The following GCA variants were observed in gnomAD, a reference collection of about 807,000 sequenced individuals.
The protein encoded by GCA is grancalcin, EF-hand calcium-binding protein.
In GCA, 30 loss-of-function variants were observed where a neutral mutation model predicts 32.6. The observed-to-expected ratio is 0.92, with a 90% confidence interval of 0.69 to 1.25. The LOEUF is 1.25. Ranked by LOEUF, GCA falls within the 50% of genes most tolerant of loss-of-function variation. The pLI is 0.00. For synonymous variants in GCA, 102 were observed against 84.6 expected (o/e 1.21, Z -1.13); for missense variants, 291 against 266.8 (o/e 1.09, Z -0.63).
chr2:162,357,259 CA>C (rs1296506101), intron 5 of GCA, among the ~76,000 whole-genome samples: 1 of 151,742 alleles, frequency 6.6e-6, no homozygotes, highest in African/African-American at 2.4e-5. Context: ...AAAGTCTGTA[CA>C]AAATAGGTTT....
intron 2 of GCA, among the ~76,000 whole-genome samples, chr2:162,351,940 A>G (rs576957862): frequency 1.4e-4 from 21 of 152,282 alleles, no homozygotes; most frequent in African/African-American, 4.8e-4. Flanking sequence ...CTTCCAGTTA[A>G]AGCTTCAGTA....
chr2:162,370,625 T>C (rs907829810), intron 4 of GCA, among the ~76,000 whole-genome samples: 1 of 152,176 alleles, frequency 6.6e-6, no homozygotes. Flanking sequence ...GAAATTTTAC[T>C]GCTGGTATGT....
At chr2:162,358,986 A>G (rs896421320) in intron 5 of GCA, 58 bp from the exon 6 acceptor site, 12 of 777,142 alleles carry the variant, frequency 1.5e-5, no homozygotes, top group Non-Finnish European at 8.6e-6. Context: ...TGAGAAAGCA[A>G]TCTTGCAGTG....
At chr2:162,355,694 A>G (rs1685228990) in intron 3 of GCA, among the ~76,000 whole-genome samples, 1 of 151,856 alleles carries the variant, frequency 6.6e-6, no homozygotes, top group African/African-American at 2.4e-5. Context: ...TAATATTTCA[A>G]ATCACCCCTG....
At chr2:162,348,238 T>C (rs1166602969) in intron 2 of GCA, among the ~76,000 whole-genome samples, 1 of 152,144 alleles carries the variant, frequency 6.6e-6, no homozygotes, top group Admixed American at 6.5e-5. Flanking sequence ...CATGCAAAAA[T>C]GACTATTGGA....
chr2:162,365,568 T>TA (rs1316473809), downstream of GCA, among the ~76,000 whole-genome samples: 2 of 151,806 alleles, frequency 1.3e-5, no homozygotes, highest in African/African-American at 2.4e-5. Context: ...CCAAGGTACT[T>TA]ACTACTTAGC....
At chr2:162,339,209 C>A (rs1314637164), upstream of GCA, among the ~76,000 whole-genome samples, 2 of 152,036 alleles carry the variant, frequency 1.3e-5, no homozygotes, top group Non-Finnish European at 2.9e-5. Flanking sequence ...CAACTTCGGG[C>A]TTAAAATAAA....
intron 4 of GCA, among the ~76,000 whole-genome samples, chr2:162,369,263 A>C (rs962703297): frequency 1.3e-5 from 2 of 151,972 alleles, no homozygotes; most frequent in African/African-American, 4.8e-5. Flanking sequence ...ACATCAAGAT[A>C]ATTGCTTTGG....
At chr2:162,350,229 T>G (rs1400483738) in intron 2 of GCA, among the ~76,000 whole-genome samples, 2 of 152,120 alleles carry the variant, frequency 1.3e-5, no homozygotes, top group East Asian at 3.9e-4. Flanking sequence ...CTGTGGCTGT[T>G]TTTGCCCCTT....
intron 1 of GCA, among the ~76,000 whole-genome samples, chr2:162,345,281 T>G (rs1049424103): frequency 6.6e-6 from 1 of 152,168 alleles, no homozygotes; most frequent in Non-Finnish European, 1.5e-5. Flanking sequence ...TGCCTATGCC[T>G]CCTCAGTCCT....
rs1319913858 is a variant in GCA, at chr2:162,361,270, A to G, written c.*1027A>G. On this transcript the variant is annotated 3_prime_UTR_variant, in exon 8 of 8. Coordinates refer to ENST00000437150, the MANE Select transcript of GCA (RefSeq NM_012198.5). ...CACCACAGCAACTTTTCTGCGTGGT[A>G]CTAAAACTGCCGAAAATGCGACGTA... The G allele has an allele frequency of 5.1e-6, 5 of 984,524 alleles. No homozygotes were observed. Among genetic ancestry groups the G allele is most frequent in the Non-Finnish European group, 6.0e-6 (5 of 829,414 alleles). The allele number at this position is 984,524 out of a possible 1,614,324, so 61.0% of individuals were successfully genotyped here.
At chr2:162,341,262 T>C (rs571723301), upstream of GCA, among the ~76,000 whole-genome samples, 127 of 122,178 alleles carry the variant, frequency 1.0e-3, no homozygotes, top group African/African-American at 3.8e-3. Context: ...TATGTCTTAT[T>C]TATTTTATAT....
At position 162,362,968 on chromosome 2, in the gene GCA, A is replaced by G. The variant is rs1307672493; in HGVS notation, c.*2725A>G. On this transcript the variant is annotated 3_prime_UTR_variant, in exon 8 of 8. Transcript: ENST00000437150. ...GGCATTTACCCTAGAAGAAAGTAGAATCTGTTAATACAGTTTAAAGTCTGT... is the reference window on the plus strand; with the variant it reads ...GGCATTTACCCTAGAAGAAAGTAGAGTCTGTTAATACAGTTTAAAGTCTGT... Among the ~76,000 whole-genome samples the G allele has an allele frequency of 1.3e-5, 2 of 151,438 alleles. No homozygotes were observed. The highest frequency in any genetic ancestry group is 4.8e-5 in the African/African-American group (2 of 41,368).
upstream of GCA, among the ~76,000 whole-genome samples, chr2:162,339,314 A>G (rs1477284576): frequency 2.0e-5 from 3 of 152,190 alleles, no homozygotes; most frequent in Admixed American, 2.0e-4. Context: ...TAAAAAAATG[A>G]ATAATTTCTG....
chr2:162,359,072 T>C lies in GCA; in HGVS notation c.483T>C (p.Thr161=). ...ATAGGTTGAGTCCTCAAACATTAAC[T>C]ACTATTGTTAAACGTTATAGCAAGA... ...MGYRLSPQTL[T]TIVKRYSKNG... Residue 161 remains threonine (T), a synonymous_variant, in exon 6 of 8, where the codon ACT becomes ACC. Coordinates refer to ENST00000437150, the MANE Select transcript of GCA (RefSeq NM_012198.5). The C allele has an allele frequency of 2.5e-6, 4 of 1,590,824 alleles. No homozygotes were observed. Among genetic ancestry groups the C allele is most frequent in the Non-Finnish European group, 3.4e-6 (4 of 1,160,648 alleles).
chr2:162,350,261 G>A (rs1444233640), intron 2 of GCA, among the ~76,000 whole-genome samples: 1 of 152,144 alleles, frequency 6.6e-6, no homozygotes, highest in Admixed American at 6.5e-5. Flanking sequence ...CCTGGAAAGG[G>A]GACTTGAGGT....
rs1433310130 is a variant in GCA, at chr2:162,359,214, T to C, written c.568+57T>C. The C allele has an allele frequency of 8.7e-6, 8 of 921,252 alleles. No individual in the cohort carries two copies. The Admixed American group carries it at 1.2e-4, about 14-fold the overall frequency. The allele number at this position is 921,252 out of a possible 1,614,324, so 57.1% of individuals were successfully genotyped here. A position where few individuals can be genotyped will look rare whatever the true frequency, so the allele number is the denominator to read the frequency against. On this transcript the variant is annotated intron_variant, in intron 6 of 7. Coordinates refer to ENST00000437150, the MANE Select transcript of GCA (RefSeq NM_012198.5). ...TTATGTAGCTATTTTTCTTGAATAATGTGTCTCATTTCCTCCAGCAAGTTT... is the reference window on the plus strand; with the variant it reads ...TTATGTAGCTATTTTTCTTGAATAACGTGTCTCATTTCCTCCAGCAAGTTT...
At chr2:162,353,203 C>T (rs1685088764) in intron 3 of GCA, among the ~76,000 whole-genome samples, 1 of 152,120 alleles carries the variant, frequency 6.6e-6, no homozygotes, top group Non-Finnish European at 1.5e-5. Flanking sequence ...GGCGCCGTGG[C>T]TCATGCCTGC....
chr2:162,342,064 A>G (rs1273174708), upstream of GCA, among the ~76,000 whole-genome samples: 1 of 152,222 alleles, frequency 6.6e-6, no homozygotes, highest in African/African-American at 2.4e-5. Context: ...ATAAAATGCT[A>G]TTGTTCATAC....
Sources: gnomAD v4.1 joint callset for allele counts (sites outside exome capture counted in the v4.1 genomes callset) on GRCh38, gnomAD v4.1.1 for gene constraint, MANE v1.5 for transcripts, NCBI Gene and HGNC (gene_info 2026-07-23, HGNC 2026-07-21) for gene names.